USP42: variants seen among roughly 807,000 people sequenced by gnomAD.
The protein encoded by USP42 is ubiquitin carboxyl-terminal hydrolase 42.
A neutral mutation model predicts 113.0 loss-of-function variants in USP42; 23 were observed. That is an observed-to-expected ratio of 0.20 (90% CI 0.15 to 0.29). The LOEUF (loss-of-function observed/expected upper bound fraction) is 0.29. Ranked by LOEUF, USP42 falls within the 10% of genes least tolerant of loss-of-function variation. The probability of loss-of-function intolerance (pLI) is 1.00; values close to 1 mark genes in which losing one functional copy is unlikely to be tolerated. For missense variants in USP42, 2,174 were observed against 1,779.8 expected (o/e 1.22, Z -3.99); for synonymous variants, 933 against 699.0 (o/e 1.33, Z -5.28).
chr7:6,122,614 GCA>G (rs1780292015), intron 3 of USP42, among the ~76,000 whole-genome samples: 1 of 152,076 alleles, frequency 6.6e-6, no homozygotes, highest in African/African-American at 2.4e-5. Context: ...GGGATTACAG[GCA>G]CATGCCACCA....
At chr7:6,145,484 G>C (rs755666610) in intron 9 of USP42, 32 bp from the exon 10 acceptor site, 2 of 1,613,406 alleles carry the variant, frequency 1.2e-6, no homozygotes, top group African/African-American at 2.7e-5. Context: ...TGTGCCCTCG[G>C]AAATGTTTCT....
At chr7:6,097,314 T>A in the USP42 span, among the ~76,000 whole-genome samples, 1 of 150,478 alleles carries the variant, frequency 6.6e-6, no homozygotes, top group African/African-American at 2.5e-5. Flanking sequence ...TCCTCTTCCC[T>A]GAGAGTAGCA....
chr7:6,105,348 CCCCCACCCGG>C (rs1779208113), intron 1 of USP42, among the ~76,000 whole-genome samples: 1 of 148,562 alleles, frequency 6.7e-6, no homozygotes, highest in Admixed American at 6.7e-5. Flanking sequence ...TGCGCTCCCA[CCCCCACCCGG>C]CCCCAGCCCG....
chr7:6,111,767 T>TA, intron 2 of USP42: 1 of 115,566 alleles, frequency 8.7e-6, no homozygotes. Context: ...CAAGCCCGGC[T>TA]AATTTTTTTT....
chr7:6,148,634 A>G (rs756624628), intron 12 of USP42, among the ~76,000 whole-genome samples: 13 of 152,218 alleles, frequency 8.5e-5, no homozygotes, highest in Non-Finnish European at 1.3e-4. Context: ...CGGGGCGAAC[A>G]GTAGTGAGCT....
chr7:6,156,981 C>G lies in USP42; in HGVS notation c.3869C>G (p.Pro1290Arg). Residue 1290 changes from proline (P) to arginine (R), a missense_variant, in exon 16 of 18, where the codon CCT (proline) becomes CGT (arginine). Pro to Arg is a moderately radical substitution (Grantham distance 103, BLOSUM62 -2). Coordinates refer to ENST00000306177, the MANE Select transcript of USP42 (RefSeq NM_032172.3). ...GGCCCGCCTCTGGAAGGCGTCGGAC[C>G]TTTCCGTGAGAAAACGAAACACTTA... ...SGGPPLEGVG[P>R]FREKTKHLRM... 6.2e-7 allele frequency: 1 copy of G among 1,613,690 alleles called. No individual in the cohort carries two copies. The highest frequency in any genetic ancestry group is 8.5e-7 in the Non-Finnish European group (1 of 1,179,786).
chr7:6,091,992 T>TCTC, the USP42 span, among the ~76,000 whole-genome samples: 1 of 65,674 alleles, frequency 1.5e-5, no homozygotes, highest in African/African-American at 5.1e-5. Context: ...TTCTTCTTCT[T>TCTC]CTTCTTCTTC....
the USP42 span, among the ~76,000 whole-genome samples, chr7:6,091,748 A>C: frequency 6.7e-6 from 1 of 148,968 alleles, no homozygotes; most frequent in South Asian, 2.1e-4. Context: ...GTCTGGTAAA[A>C]AAATTTTTTT....
rs1298679673 is a variant in USP42, at chr7:6,154,480, C to T, written c.2926C>T (p.His976Tyr). 27 of 1,552,002 alleles carry T rather than the reference C, an allele frequency of 1.7e-5. No homozygotes were observed. The highest frequency in any genetic ancestry group is 2.4e-5 in the South Asian group (2 of 84,258). Residue 976 changes from histidine to tyrosine, a missense_variant, in exon 15 of 18, where the codon CAC (histidine) becomes TAC (tyrosine). Physicochemically the swap from His to Tyr is moderately conservative, Grantham distance 83 (BLOSUM62 2). Transcript: ENST00000306177. ...ARESRSKTEG[H>Y]RHRRRRTCPR... ...AGAGAGCAGGAGCAAGACTGAGGGC[C>T]ACCGTCACCGGCGGCGCCGCACCTG...
the USP42 span, among the ~76,000 whole-genome samples, chr7:6,093,792 C>A: frequency 6.7e-6 from 1 of 150,170 alleles, no homozygotes; most frequent in Admixed American, 6.6e-5. Context: ...TATATATTTT[C>A]TTCTTTGTTT....
At chr7:6,096,929 TTTC>T in the USP42 span, among the ~76,000 whole-genome samples, 1,911 of 93,546 alleles carry the variant, frequency 0.02, 27 homozygotes, top group Middle Eastern at 0.067. Flanking sequence ...CTTTCTTTCT[TTTC>T]TTTTTTTTTT....
chr7:6,148,790 T>G (rs1781865304), intron 12 of USP42, among the ~76,000 whole-genome samples: 1 of 152,232 alleles, frequency 6.6e-6, no homozygotes, highest in African/African-American at 2.4e-5. Context: ...GCAGTATATT[T>G]GAGGTATAAC....
intron 3 of USP42, among the ~76,000 whole-genome samples, chr7:6,124,967 G>A (rs868538429): frequency 2.6e-5 from 4 of 151,824 alleles, no homozygotes; most frequent in Middle Eastern, 3.4e-3. Context: ...GATCACTTGT[G>A]GTCAGGAATT....
chr7:6,104,790 C>G (rs958266472), upstream of USP42: 11 of 151,856 alleles, frequency 7.2e-5, no homozygotes, highest in Non-Finnish European at 1.5e-4. Flanking sequence ...CCACACTCGC[C>G]GTGCTTGTTA....
At chr7:6,141,196 C>CT (rs199589142) in intron 7 of USP42, among the ~76,000 whole-genome samples, 4,323 of 130,388 alleles carry the variant, frequency 0.033, 142 homozygotes, top group African/African-American at 0.067. Flanking sequence ...TTTTCTTTTT[C>CT]TTTTCTTTTT....
At chr7:6,134,407 A>G (rs2107853) in intron 3 of USP42, among the ~76,000 whole-genome samples, 17,111 of 152,100 alleles carry the variant, frequency 0.11, 1,068 homozygotes, top group Non-Finnish European at 0.13. Flanking sequence ...ATTTTATGTT[A>G]TTGGGTGCTG....
At chr7:6,097,940 C>G in the USP42 span, among the ~76,000 whole-genome samples, 4 of 117,144 alleles carry the variant, frequency 3.4e-5, no homozygotes, top group African/African-American at 7.0e-5. Context: ...GAGTCTCACT[C>G]TGTTGCCAGG....
chr7:6,100,027 A>ATTC (rs1790072011), upstream of USP42, among the ~76,000 whole-genome samples: 1 of 149,088 alleles, frequency 6.7e-6, no homozygotes, highest in Non-Finnish European at 1.5e-5. Flanking sequence ...TATTATTATT[A>ATTC]TTATTGGTAG....
At position 6,156,893 on chromosome 7, in the gene USP42, G is replaced by T; in HGVS notation, c.3781G>T (p.Val1261Phe). ...AGATTCAGAACTGCACTTACCCAGG[G>T]TCACCAGCTTGGAGACTGTCGCCCA... ...VKDSELHLPRVTSLETVAQFR... is the reference protein window; with the variant it reads ...VKDSELHLPRFTSLETVAQFR... The change falls in exon 16 of 18, where the codon GTC becomes TTC. Residue 1261 changes from valine (V) to phenylalanine (F), a missense_variant. Val to Phe is a conservative substitution (Grantham distance 50). Transcript: ENST00000306177. The T allele has an allele frequency of 1.2e-6, 2 of 1,613,696 alleles. No homozygotes were observed. The highest frequency in any genetic ancestry group is 1.7e-4 in the Middle Eastern group (1 of 6,060).
Sources: allele counts gnomAD v4.1 joint callset (sites outside exome capture counted in the v4.1 genomes callset), GRCh38; gene constraint gnomAD v4.1.1; transcripts MANE v1.5; gene names NCBI Gene and HGNC (gene_info 2026-07-23, HGNC 2026-07-21).